LINGO2: variants seen among roughly 807,000 people sequenced by gnomAD.
LINGO2 encodes leucine rich repeat and Ig domain containing 2, also known as leucine-rich repeat and immunoglobulin-like domain-containing nogo receptor-interacting protein 2.
In LINGO2, 14 loss-of-function variants were observed where a neutral mutation model predicts 30.6. That is an observed-to-expected ratio of 0.46 (90% CI 0.30 to 0.72). The LOEUF is 0.72. Among genes scored for constraint, LINGO2 ranks in the 30% least tolerant of loss-of-function variants. The pLI, the probability that LINGO2 is intolerant of heterozygous loss-of-function variation, is 0.07. For missense variants in LINGO2, 729 were observed against 751.7 expected, an observed-to-expected ratio of 0.97 and a Z score of 0.35; for synonymous variants, 317 against 288.5, an observed-to-expected ratio of 1.10 and a Z score of -1.00.
chr9:28,216,937 T>A (rs960928365), intron 4 of LINGO2, among the ~76,000 whole-genome samples: 2 of 151,826 alleles, frequency 1.3e-5, no homozygotes, highest in African/African-American at 4.8e-5. Context: ...GAAATTTCAA[T>A]TTACATGCCA....
the LINGO2 span, among the ~76,000 whole-genome samples, chr9:29,171,293 TG>T: frequency 1.3e-5 from 2 of 152,214 alleles, no homozygotes; most frequent in East Asian, 3.9e-4. Context: ...GCATGTTTTC[TG>T]GAACATGAAG....
chr9:28,946,105 G>A, the LINGO2 span, among the ~76,000 whole-genome samples: 1 of 152,248 alleles, frequency 6.6e-6, no homozygotes, highest in South Asian at 2.1e-4. Flanking sequence ...TTCTAAGAAC[G>A]AGATGATTTA....
the LINGO2 span, among the ~76,000 whole-genome samples, chr9:29,040,978 G>C: frequency 6.6e-6 from 1 of 152,062 alleles, no homozygotes; most frequent in Non-Finnish European, 1.5e-5. Flanking sequence ...CCTAAGCTCA[G>C]TTTCCTCTTC....
chr9:28,631,014 A>G (rs1826911903), intron 1 of LINGO2, among the ~76,000 whole-genome samples: 1 of 151,996 alleles, frequency 6.6e-6, no homozygotes, highest in Non-Finnish European at 1.5e-5. Flanking sequence ...GGGCAAGATT[A>G]TAAGGAACCA....
chr9:28,307,621 G>T (rs1471500265), intron 3 of LINGO2, among the ~76,000 whole-genome samples: 1 of 152,148 alleles, frequency 6.6e-6, no homozygotes, highest in Non-Finnish European at 1.5e-5. Context: ...ATTCAGTTAG[G>T]AAAAGAGGAA....
intron 4 of LINGO2, among the ~76,000 whole-genome samples, chr9:28,109,507 C>A (rs1215849631): frequency 6.6e-6 from 1 of 152,012 alleles, no homozygotes; most frequent in East Asian, 1.9e-4. Context: ...AATCCACTCA[C>A]CCCCAAAACT....
At chr9:28,694,016 T>A in the LINGO2 span, among the ~76,000 whole-genome samples, 2 of 151,852 alleles carry the variant, frequency 1.3e-5, no homozygotes, top group East Asian at 3.9e-4. Flanking sequence ...GAGCATGATA[T>A]CAGCTGGTAG....
chr9:28,110,396 G>C (rs1404213474), intron 4 of LINGO2, among the ~76,000 whole-genome samples: 1 of 152,156 alleles, frequency 6.6e-6, no homozygotes, highest in Non-Finnish European at 1.5e-5. Context: ...TGACAAATGG[G>C]ATCTAATTAA....
chr9:28,422,230 C>G (rs1207201651), intron 2 of LINGO2, among the ~76,000 whole-genome samples: 1 of 151,886 alleles, frequency 6.6e-6, no homozygotes, highest in Non-Finnish European at 1.5e-5. Flanking sequence ...AAAAGGCAAC[C>G]TACATAATGA....
At chr9:28,599,849 A>G (rs1825387388) in intron 1 of LINGO2, among the ~76,000 whole-genome samples, 1 of 152,186 alleles carries the variant, frequency 6.6e-6, no homozygotes, top group South Asian at 2.1e-4. Flanking sequence ...ATTAAGCACA[A>G]GATTAGCTCT....
At chr9:28,516,725 T>C (rs1820633398) in intron 1 of LINGO2, among the ~76,000 whole-genome samples, 1 of 152,242 alleles carries the variant, frequency 6.6e-6, no homozygotes, top group South Asian at 2.1e-4. Flanking sequence ...CTGTTGCTGT[T>C]GTTGTTAATG....
At chr9:28,921,111 T>C in the LINGO2 span, among the ~76,000 whole-genome samples, 1 of 152,176 alleles carries the variant, frequency 6.6e-6, no homozygotes, top group East Asian at 1.9e-4. Context: ...GGCAGCTTTA[T>C]CGTATTTCTA....
At chr9:28,713,139 C>G in the LINGO2 span, among the ~76,000 whole-genome samples, 1 of 152,154 alleles carries the variant, frequency 6.6e-6, no homozygotes, top group Non-Finnish European at 1.5e-5. Flanking sequence ...GCTGCGATTA[C>G]AGGTGTAAGC....
intron 1 of LINGO2, among the ~76,000 whole-genome samples, chr9:28,652,107 C>T (rs1407987052): frequency 6.6e-6 from 1 of 152,044 alleles, no homozygotes; most frequent in African/African-American, 2.4e-5. Context: ...TCTGCATATG[C>T]CTTTTTTCTA....
chr9:28,483,203 T>A (rs1826044397), intron 1 of LINGO2, among the ~76,000 whole-genome samples: 1 of 152,122 alleles, frequency 6.6e-6, no homozygotes, highest in African/African-American at 2.4e-5. Flanking sequence ...TTATCATCAT[T>A]TGTCTAGCTC....
At chr9:28,925,408 C>A in the LINGO2 span, among the ~76,000 whole-genome samples, 1 of 152,320 alleles carries the variant, frequency 6.6e-6, no homozygotes, top group East Asian at 1.9e-4. Flanking sequence ...GCCACACAGT[C>A]AGTCTAATAT....
At chr9:28,169,281 T>C (rs1828517014) in intron 4 of LINGO2, among the ~76,000 whole-genome samples, 3 of 152,202 alleles carry the variant, frequency 2.0e-5, no homozygotes, top group African/African-American at 7.2e-5. Flanking sequence ...ACTTTGTTTT[T>C]TGCTAAAATT....
the LINGO2 span, among the ~76,000 whole-genome samples, chr9:28,867,209 G>A: frequency 6.6e-6 from 1 of 151,902 alleles, no homozygotes; most frequent in Non-Finnish European, 1.5e-5. Flanking sequence ...ATCCTTTCCT[G>A]GTGATGAAAG....
At chr9:27,953,014 G>C (rs1034095054) in intron 5 of LINGO2, among the ~76,000 whole-genome samples, 1 of 151,996 alleles carries the variant, frequency 6.6e-6, no homozygotes, top group Non-Finnish European at 1.5e-5. Context: ...TAGGAAATGA[G>C]TATAATAAAA....
Sources: gnomAD v4.1 joint callset for allele counts (sites outside exome capture counted in the v4.1 genomes callset) on GRCh38, gnomAD v4.1.1 for gene constraint, MANE v1.5 for transcripts, NCBI Gene and HGNC (gene_info 2026-07-23, HGNC 2026-07-21) for gene names.